Variants in PRKCE observed in about 807,000 individuals in gnomAD.
The protein encoded by PRKCE is protein kinase C epsilon, also known as protein kinase C epsilon type.
In PRKCE, 16 loss-of-function variants were observed where a neutral mutation model predicts 85.4. That is an observed-to-expected ratio of 0.19 (90% confidence interval 0.13 to 0.28). PRKCE has a LOEUF of 0.28. Among genes scored for constraint, PRKCE ranks in the 10% least tolerant of loss-of-function variants. PRKCE has a pLI of 1.00. For missense variants in PRKCE, 573 were observed against 975.2 expected (o/e 0.59, Z 5.49); for synonymous variants, 388 against 371.5 (o/e 1.04, Z -0.51).
chr2:45,744,501 T>C (rs1306723962), intron 1 of PRKCE, among the ~76,000 whole-genome samples: 11 of 28,826 alleles, frequency 3.8e-4, no homozygotes, highest in African/African-American at 1.3e-3. Flanking sequence ...CTTTCTTTCT[T>C]TTCTTTCTTT....
At chr2:45,799,097 C>T (rs1335545023) in intron 1 of PRKCE, among the ~76,000 whole-genome samples, 4 of 150,754 alleles carry the variant, frequency 2.7e-5, no homozygotes, top group South Asian at 4.2e-4. Flanking sequence ...ACCAGGGAGG[C>T]GGAGCTTGCA....
chr2:45,785,338 A>C (rs571805873), intron 1 of PRKCE, among the ~76,000 whole-genome samples: 40 of 152,190 alleles, frequency 2.6e-4, no homozygotes, highest in Middle Eastern at 6.8e-3. Flanking sequence ...TAAAATTACA[A>C]AAATTAGCTG....
chr2:46,149,030 T>A (rs1485219670), intron 12 of PRKCE, among the ~76,000 whole-genome samples: 1 of 152,226 alleles, frequency 6.6e-6, no homozygotes. Flanking sequence ...TTTCTCAAAT[T>A]CCTTTTCATT....
intron 1 of PRKCE, among the ~76,000 whole-genome samples, chr2:45,789,695 C>T (rs138137557): frequency 2.8e-3 from 427 of 152,320 alleles, no homozygotes; most frequent in African/African-American, 9.8e-3. Flanking sequence ...CCTTAAGAAC[C>T]ATCTGGAAGA....
chr2:46,150,828 A>G (rs1192504627), intron 12 of PRKCE, among the ~76,000 whole-genome samples: 1 of 152,220 alleles, frequency 6.6e-6, no homozygotes, highest in Non-Finnish European at 1.5e-5. Flanking sequence ...CAGACTGTCG[A>G]TGTTGACTTT....
At chr2:45,998,640 A>G (rs1283820936) in intron 6 of PRKCE, among the ~76,000 whole-genome samples, 1 of 152,080 alleles carries the variant, frequency 6.6e-6, no homozygotes, top group Non-Finnish European at 1.5e-5. Flanking sequence ...TATTTAGACT[A>G]TTGACATTTG....
At chr2:46,105,940 A>G (rs1344322503) in intron 11 of PRKCE, among the ~76,000 whole-genome samples, 1 of 152,240 alleles carries the variant, frequency 6.6e-6, no homozygotes, top group African/African-American at 2.4e-5. Flanking sequence ...GTTTTGATAA[A>G]TTTTAACTTT....
intron 11 of PRKCE, 143 bp downstream of exon 11, chr2:46,086,505 A>C: frequency 1.0e-6 from 1 of 979,972 alleles, no homozygotes; most frequent in Non-Finnish European, 1.5e-6. Context: ...CTTACAGAAG[A>C]CTTTTTTGGG....
chr2:45,832,148 C>T (rs562080403), intron 1 of PRKCE, among the ~76,000 whole-genome samples: 6 of 152,178 alleles, frequency 3.9e-5, no homozygotes, highest in Admixed American at 6.5e-5. Context: ...GAATATTCCC[C>T]GGAGAGCAAT....
At chr2:45,822,809 C>G (rs1211982105) in intron 1 of PRKCE, among the ~76,000 whole-genome samples, 1 of 152,204 alleles carries the variant, frequency 6.6e-6, no homozygotes, top group Non-Finnish European at 1.5e-5. Flanking sequence ...CCTTCTGTCT[C>G]TGTAAGGAGA....
chr2:45,801,516 T>A (rs72799996), intron 1 of PRKCE, among the ~76,000 whole-genome samples: 2 of 112,926 alleles, frequency 1.8e-5, no homozygotes, highest in South Asian at 3.2e-4. Context: ...AGGGTGAGGG[T>A]GAGGGAGAGG....
intron 10 of PRKCE, among the ~76,000 whole-genome samples, chr2:46,048,111 C>T (rs1708636582): frequency 1.3e-5 from 2 of 152,172 alleles, no homozygotes. Flanking sequence ...GCCACCCCTC[C>T]CACCCCCTGC....
At chr2:46,143,925 G>C (rs1018724159) in intron 11 of PRKCE, among the ~76,000 whole-genome samples, 1 of 152,230 alleles carries the variant, frequency 6.6e-6, no homozygotes, top group Non-Finnish European at 1.5e-5. Flanking sequence ...GCGATGGCCG[G>C]AGTTCACATC....
intron 6 of PRKCE, among the ~76,000 whole-genome samples, chr2:45,989,005 C>T (rs1269789894): frequency 6.6e-6 from 1 of 152,180 alleles, no homozygotes; most frequent in African/African-American, 2.4e-5. Flanking sequence ...CCAGTTCTCA[C>T]CTGCCCCCGT....
At chr2:45,910,246 C>T (rs1440124428) in intron 2 of PRKCE, among the ~76,000 whole-genome samples, 3 of 152,134 alleles carry the variant, frequency 2.0e-5, no homozygotes, top group Non-Finnish European at 4.4e-5. Flanking sequence ...TCTCTGAAGG[C>T]CATTGTCACT....
rs953315693 is a variant in PRKCE at position 45,963,370 on chromosome 2, G to A, written c.413-13059G>A. Among the ~76,000 whole-genome samples, 3 of 151,762 alleles carry A rather than the reference G, an allele frequency of 2.0e-5. No homozygotes were observed. In the South Asian group the frequency reaches 6.3e-4, roughly 32 times the overall value. The stretch of plus-strand genomic sequence containing the variant: ...ATTGCCCAACATGGAGTGTGGTGGC[G>A]TGATCTCGGCTCACTGCAACCTCTG... On this transcript the variant is annotated intron_variant, in intron 2 of 14. Transcript: ENST00000306156.
intron 1 of PRKCE, among the ~76,000 whole-genome samples, chr2:45,709,966 C>G (rs111710165): frequency 6.6e-6 from 1 of 152,196 alleles, no homozygotes; most frequent in South Asian, 2.1e-4. Context: ...CATGCCACCA[C>G]GCCTGGCTAA....
intron 1 of PRKCE, among the ~76,000 whole-genome samples, chr2:45,744,409 TTTCTTTTCTTTCTTTC>T (rs1682858942): frequency 2.0e-5 from 3 of 150,662 alleles, no homozygotes; most frequent in South Asian, 2.1e-4. Context: ...CTCTCTTTCT[TTTCTTTTCTTTCTTTC>T]TTTCTTTCTT....
intron 12 of PRKCE, 66 bp from the exon 13 acceptor site, chr2:46,150,975 C>A: frequency 2.1e-6 from 3 of 1,453,944 alleles, no homozygotes; most frequent in South Asian, 2.6e-5. Flanking sequence ...CATGGGCGTT[C>A]GTAGCACGGG....
Sources: gnomAD v4.1 joint callset for allele counts (sites outside exome capture counted in the v4.1 genomes callset) on GRCh38, gnomAD v4.1.1 for gene constraint, MANE v1.5 for transcripts, NCBI Gene and HGNC (gene_info 2026-07-23, HGNC 2026-07-21) for gene names.